The following ANKS1B variants were observed in gnomAD, a reference collection of about 807,000 sequenced individuals.
ANKS1B encodes ankyrin repeat and sterile alpha motif domain-containing protein 1B.
A neutral mutation model predicts 148.3 loss-of-function variants in ANKS1B; 36 were observed. The ratio of observed to expected loss-of-function variants is 0.24; its 90% CI spans 0.19 to 0.32. ANKS1B has a LOEUF of 0.32. Ranked by LOEUF, ANKS1B falls within the 10% of genes least tolerant of loss-of-function variation. The pLI is 1.00. For missense variants in ANKS1B, 1,157 were observed against 1,542.6 expected (o/e 0.75, Z 4.19); for synonymous variants, 542 against 560.8 (o/e 0.97, Z 0.47).
chr12:99,250,709 T>C (rs1407812839), intron 12 of ANKS1B, among the ~76,000 whole-genome samples: 2 of 152,228 alleles, frequency 1.3e-5, no homozygotes, highest in Non-Finnish European at 2.9e-5. Flanking sequence ...ATAAACTATA[T>C]CCCAAGTTTT....
chr12:99,750,161 G>A (rs1222078059), intron 8 of ANKS1B, among the ~76,000 whole-genome samples: 1 of 151,832 alleles, frequency 6.6e-6, no homozygotes, highest in Non-Finnish European at 1.5e-5. Flanking sequence ...TGTGAGTGAG[G>A]CACTTATAAT....
At chr12:99,819,103 C>T (rs1356140039) in intron 2 of ANKS1B, among the ~76,000 whole-genome samples, 1 of 151,804 alleles carries the variant, frequency 6.6e-6, no homozygotes, top group East Asian at 1.9e-4. Context: ...TCTAATGAAA[C>T]TCTCAAATTT....
chr12:99,406,646 A>G (rs2094538600), intron 11 of ANKS1B, among the ~76,000 whole-genome samples: 1 of 146,076 alleles, frequency 6.8e-6, no homozygotes, highest in African/African-American at 2.6e-5. Flanking sequence ...ACCCAAAGTT[A>G]GAAGAAAAGA....
chr12:99,185,247 A>C (rs976135177), intron 14 of ANKS1B, among the ~76,000 whole-genome samples: 3 of 152,252 alleles, frequency 2.0e-5, no homozygotes, highest in Non-Finnish European at 4.4e-5. Context: ...AGCAGAGCTC[A>C]AAAATTATGT....
intron 10 of ANKS1B, among the ~76,000 whole-genome samples, chr12:99,492,461 T>C (rs1220876385): frequency 1.3e-5 from 2 of 151,980 alleles, no homozygotes; most frequent in Non-Finnish European, 2.9e-5. Context: ...ACAGCCAATT[T>C]CTACCCAATA....
At chr12:99,669,653 G>T (rs371993757) in intron 8 of ANKS1B, among the ~76,000 whole-genome samples, 11 of 152,100 alleles carry the variant, frequency 7.2e-5, no homozygotes, top group African/African-American at 2.2e-4. Context: ...TTCTTTGGAG[G>T]TTTTTCTTTT....
At chr12:98,843,556 T>C (rs991741576) in intron 17 of ANKS1B, among the ~76,000 whole-genome samples, 1 of 152,214 alleles carries the variant, frequency 6.6e-6, no homozygotes, top group Non-Finnish European at 1.5e-5. Flanking sequence ...TGTTCTGTTA[T>C]AGCAACACAA....
At position 98,801,195 on chromosome 12, in the gene ANKS1B, G is replaced by A; in HGVS notation, c.3142-70C>T. 1.9e-6 allele frequency: 3 copies of A among 1,549,652 alleles called. No individual in the cohort carries two copies. The highest frequency in any genetic ancestry group is 2.4e-5 in the South Asian group (2 of 84,182). ...AGTTCATTCCCTGTAGCTACCCTGA[G>A]CTCACCTTACACACAGGTGCTGTGA... On this transcript the variant is annotated intron_variant, in intron 20 of 26. Coordinates refer to ENST00000683438, the MANE Select transcript of ANKS1B (RefSeq NM_001352186.2). This position sits in a 1 kb window ranked among gnomAD's most constrained non-coding sequence, Gnocchi z 5.2.
At chr12:99,632,727 CTATATATATATATATATATATA>C (rs3081654) in intron 9 of ANKS1B, among the ~76,000 whole-genome samples, 34 of 39,044 alleles carry the variant, frequency 8.7e-4, no homozygotes, top group African/African-American at 1.6e-3. Context: ...CCTTTTCTTT[CTATATATATATATATATATATA>C]TATATATATA....
At chr12:99,912,156 A>T (rs538394252) in intron 1 of ANKS1B, among the ~76,000 whole-genome samples, 64 of 152,230 alleles carry the variant, frequency 4.2e-4, no homozygotes, top group Admixed American at 4.6e-4. Flanking sequence ...TGTTTGATTT[A>T]TTAAAGTGGA....
At chr12:99,124,578 G>A (rs905736323) in intron 15 of ANKS1B, among the ~76,000 whole-genome samples, 1 of 152,084 alleles carries the variant, frequency 6.6e-6, no homozygotes, top group Admixed American at 6.6e-5. Flanking sequence ...AGATGTCTGG[G>A]CTAAAGATAC....
chr12:98,883,959 C>T (rs1020660942), intron 17 of ANKS1B, among the ~76,000 whole-genome samples: 1 of 152,048 alleles, frequency 6.6e-6, no homozygotes, highest in Non-Finnish European at 1.5e-5. Context: ...TTTTAAGATG[C>T]ACCATGTACA....
At chr12:99,293,893 A>T (rs1165890689) in intron 12 of ANKS1B, among the ~76,000 whole-genome samples, 1 of 152,226 alleles carries the variant, frequency 6.6e-6, no homozygotes, top group African/African-American at 2.4e-5. Context: ...TCAAAAGAAG[A>T]CATACAAACA....
chr12:98,855,082 C>A (rs953017745), intron 17 of ANKS1B, among the ~76,000 whole-genome samples: 1 of 151,524 alleles, frequency 6.6e-6, no homozygotes, highest in Non-Finnish European at 1.5e-5. Flanking sequence ...TGGCGTGAAC[C>A]CGGGAAGCGG....
chr12:99,680,326 A>T (rs1257598351), intron 8 of ANKS1B, among the ~76,000 whole-genome samples: 1 of 152,122 alleles, frequency 6.6e-6, no homozygotes, highest in African/African-American at 2.4e-5. Flanking sequence ...CTATAATCCC[A>T]GCTGGCTGGG....
chr12:99,956,503 A>C (rs556095430), intron 1 of ANKS1B, among the ~76,000 whole-genome samples: 1 of 152,272 alleles, frequency 6.6e-6, no homozygotes, highest in South Asian at 2.1e-4. Flanking sequence ...TATATAACAA[A>C]TTAATCTGGG....
chr12:99,908,893 G>T (rs954405353), intron 1 of ANKS1B, among the ~76,000 whole-genome samples: 1 of 151,842 alleles, frequency 6.6e-6, no homozygotes, highest in Non-Finnish European at 1.5e-5. Flanking sequence ...TCTAGTATAC[G>T]ATGTGATATC....
intron 10 of ANKS1B, among the ~76,000 whole-genome samples, chr12:99,448,320 G>C (rs192805705): frequency 1.3e-5 from 2 of 152,108 alleles, no homozygotes; most frequent in Non-Finnish European, 2.9e-5. Flanking sequence ...GGAGGACCTT[G>C]TGTTAAGTGA....
In ANKS1B at chr12:98,744,712, AAG is replaced by A; in HGVS notation, c.*1025_*1026del. 1.0e-6 allele frequency: 1 copy of A among 979,410 alleles called. No individual in the cohort carries two copies. The highest frequency in any genetic ancestry group is 1.2e-6 in the Non-Finnish European group (1 of 824,768). The allele number at this position is 979,410 out of a possible 1,614,324, so 60.7% of individuals were successfully genotyped here. A position where few individuals can be genotyped will look rare whatever the true frequency, so the allele number is the denominator to read the frequency against. On this transcript the variant is annotated 3_prime_UTR_variant, in exon 27 of 27. Transcript: ENST00000683438. ...TTTTTGTATTTATTTTTTCTAGAAA[AAG>A]AAATTTTTGCAATAGAATTTTATTA... is the stretch of plus-strand genomic sequence containing the variant.
Sources: allele counts gnomAD v4.1 joint callset (sites outside exome capture counted in the v4.1 genomes callset), GRCh38; gene constraint gnomAD v4.1.1; non-coding constraint Gnocchi (gnomAD v3.1); transcripts MANE v1.5; gene names NCBI Gene and HGNC (gene_info 2026-07-23, HGNC 2026-07-21).